Variants in DOP1B observed in about 807,000 individuals in gnomAD.
DOP1B encodes the protein DOP1 leucine zipper like protein B, also known as protein DOP1B.
DOP1B carries 174 observed loss-of-function variants against 233.5 expected under a neutral mutation model. That is an observed-to-expected ratio of 0.75 (90% CI 0.66 to 0.85). The LOEUF is 0.85. Among genes scored for constraint, DOP1B ranks in the 40% least tolerant of loss-of-function variants. The pLI is 0.00. For synonymous variants in DOP1B, 1,190 were observed against 1,185.6 expected (o/e 1.00, Z -0.08); for missense variants, 2,652 against 2,846.6 (o/e 0.93, Z 1.56).
rs749264993 is a variant in DOP1B at position 36,231,020 on chromosome 21, C to T, written c.2236C>T (p.Arg746Cys). The T allele has an allele frequency of 2.0e-5, 32 of 1,614,000 alleles. No homozygotes were observed. Among genetic ancestry groups the T allele is most frequent in the African/African-American group, 2.7e-5 (2 of 74,904 alleles). ...TGACCTGGGGGGTTCCAGGGAGGAA[C>T]GCAGGGAGGCCTTTGCCGCCGCCTG... ...VIDLGGSREE[R>C]REAFAAACHL... The change falls in exon 14 of 37, where the codon CGC (arginine) becomes TGC (cysteine). Residue 746 changes from arginine to cysteine, a missense_variant. Arg to Cys is a radical substitution (Grantham distance 180). Around this residue, in one of 3 missense-constraint regions of DOP1B, gnomAD observed 2,617 missense variants for 2,794.3 expected, o/e 0.94. Coordinates refer to ENST00000691173, the MANE Select transcript of DOP1B (RefSeq NM_001320714.2).
Position 36,199,261 on chromosome 21 carries a change from C to A in DOP1B, c.320+10C>A. The stretch of plus-strand genomic sequence containing the variant: ...ACTTGTTTCTGTACAGGTGCGATTG[C>A]TTCTCTGCTGTGTTCCTTTTTATTA... On this transcript the variant is annotated intron_variant, in intron 3 of 36. Transcript: ENST00000691173. The A allele has an allele frequency of 6.2e-7, 1 of 1,608,970 alleles. No individual in the cohort carries two copies. Among genetic ancestry groups the A allele is most frequent in the South Asian group, 1.1e-5 (1 of 90,102 alleles).
Position 36,253,804 on chromosome 21 carries a change from C to A in DOP1B, c.5154C>A (p.Thr1718=). ...IIPTASASQL[T]LVDLVCALST... ...CAACGGCAAGTGCATCCCAGCTAAC[C>A]CTTGTCGACTTGGTGTGTGCACTCA... The change falls in exon 23 of 37, where the codon ACC becomes ACA. Residue 1718 remains threonine (T), a synonymous_variant. Coordinates refer to ENST00000691173, the MANE Select transcript of DOP1B (RefSeq NM_001320714.2). 6.2e-7 allele frequency: 1 copy of A among 1,613,766 alleles called. No homozygotes were observed. Among genetic ancestry groups the A allele is most frequent in the South Asian group, 1.1e-5 (1 of 91,068 alleles).
intron 23 of DOP1B, among the ~76,000 whole-genome samples, chr21:36,257,709 T>C (rs1474704790): frequency 1.4e-5 from 2 of 137,984 alleles, no homozygotes; most frequent in Non-Finnish European, 3.2e-5. Flanking sequence ...GAGAGATGGA[T>C]GTAGGTAGGT....
rs1046397969 is a variant in DOP1B at position 36,211,801 on chromosome 21, A to G, written c.780+150A>G. On this transcript the variant is annotated intron_variant, in intron 6 of 36. Transcript: ENST00000691173. Reference sequence around the variant, plus strand: ...TGAAAAGTCCTTGTTCATTTTTGCAAGGATAGCGTTTTCATTGCACGTATT... The same window carrying G: ...TGAAAAGTCCTTGTTCATTTTTGCAGGGATAGCGTTTTCATTGCACGTATT... The G allele has an allele frequency of 5.9e-5, 77 of 1,310,876 alleles. 2 individuals carry two copies. In the South Asian group the frequency reaches 8.4e-4, roughly 14 times the overall value. 81.2% of individuals were successfully genotyped at this position (1,310,876 alleles called of 1,614,324 possible).
chr21:36,169,248 T>C, intron 2 of DOP1B: 2 of 902,496 alleles, frequency 2.2e-6, no homozygotes, highest in Non-Finnish European at 3.7e-6. Flanking sequence ...TCGATGCTCT[T>C]GTCAGACAGG....
chr21:36,220,845 C>T (rs1412588583), intron 10 of DOP1B, among the ~76,000 whole-genome samples: 1 of 151,822 alleles, frequency 6.6e-6, no homozygotes, highest in African/African-American at 2.4e-5. Flanking sequence ...AGGTCTCACT[C>T]TGTCTCCCAG....
At chr21:36,188,029 T>TA (rs1174532671) in intron 2 of DOP1B, among the ~76,000 whole-genome samples, 2 of 152,212 alleles carry the variant, frequency 1.3e-5, no homozygotes, top group Non-Finnish European at 2.9e-5. Context: ...AAGCATATTC[T>TA]AATGTGTCTT....
At chr21:36,169,227 C>A in intron 2 of DOP1B, 1 of 998,054 alleles carries the variant, frequency 1.0e-6, no homozygotes. Flanking sequence ...TGGACAAAGC[C>A]ACCCAGAAGG....
intron 35 of DOP1B, among the ~76,000 whole-genome samples, chr21:36,291,179 T>G (rs1205964827): frequency 1.3e-5 from 2 of 151,020 alleles, no homozygotes; most frequent in African/African-American, 4.9e-5. Context: ...GGAGAATCGC[T>G]TGAAACCGAA....
chr21:36,200,378 C>T lies in DOP1B; in HGVS notation c.368C>T (p.Pro123Leu), dbSNP rs747145267. The change falls in exon 4 of 37, where the codon CCG (proline) becomes CTG (leucine). Residue 123 changes from proline (P) to leucine (L), a missense_variant. Pro to Leu is a moderately conservative substitution (Grantham distance 98). This residue lies in a region of DOP1B where 2,617 missense variants were observed against 2,794.3 expected (regional missense o/e 0.94). Transcript: ENST00000691173. ...GCACACGCGGCGGTGTCGGTGAGGC[C>T]GGTGCTGCTCACCCTGTACGAGAAG... ...LLAHAAVSVR[P>L]VLLTLYEKYF... 6.2e-6 allele frequency: 10 copies of T among 1,612,774 alleles called. No individual in the cohort carries two copies. Among genetic ancestry groups the T allele is most frequent in the East Asian group, 2.2e-5 (1 of 44,814 alleles).
chr21:36,213,879 T>C (rs764310753), intron 7 of DOP1B, among the ~76,000 whole-genome samples: 4 of 152,006 alleles, frequency 2.6e-5, no homozygotes, highest in Admixed American at 6.6e-5. Context: ...TTGATACCCA[T>C]TGAGGTGGAA....
chr21:36,186,160 G>A (rs1051354262), intron 2 of DOP1B, among the ~76,000 whole-genome samples: 7 of 151,802 alleles, frequency 4.6e-5, no homozygotes, highest in South Asian at 2.1e-4. Flanking sequence ...CTAAGATTGC[G>A]CCACTGCACT....
At chr21:36,211,352 GGTC>G (rs1220776385) in intron 5 of DOP1B, among the ~76,000 whole-genome samples, 198 bp from the exon 6 acceptor site, 1 of 152,320 alleles carries the variant, frequency 6.6e-6, no homozygotes, top group East Asian at 1.9e-4. Context: ...GGAACAGTGA[GGTC>G]TGCAGCTGAA....
intron 35 of DOP1B, among the ~76,000 whole-genome samples, chr21:36,290,939 C>G (rs972387697): frequency 2.6e-5 from 4 of 151,636 alleles, no homozygotes; most frequent in African/African-American, 9.7e-5. Context: ...CACTGCACTC[C>G]AGCCTAGGCA....
At chr21:36,250,418 A>G (rs1045862428) in intron 21 of DOP1B, among the ~76,000 whole-genome samples, 1 of 152,176 alleles carries the variant, frequency 6.6e-6, no homozygotes, top group Non-Finnish European at 1.5e-5. Flanking sequence ...CGATGTGAGC[A>G]GGGCTTCAAA....
rs2065893701 is a variant in DOP1B, at chr21:36,164,760, A to G, written c.27A>G (p.Leu9=). MDPEEQEL[L]NDYRYRSYSS... is the part of the protein sequence containing the mutation. ...TGGATCCAGAAGAGCAGGAGCTCTT[A>G]AATGATTACAGATACAGAAGCTACT... is the stretch of plus-strand genomic sequence containing the variant. Residue 9 remains leucine, a synonymous_variant, in exon 2 of 37, where the codon TTA becomes TTG. Transcript: ENST00000691173. 1 of 1,607,324 alleles carries G rather than the reference A, an allele frequency of 6.2e-7. No homozygotes were observed. The highest frequency in any genetic ancestry group is 1.3e-5 in the African/African-American group (1 of 74,576).
chr21:36,276,858 AAG>A (rs1491552305), intron 27 of DOP1B, among the ~76,000 whole-genome samples, 161 bp from the exon 28 acceptor site: 3 of 150,854 alleles, frequency 2.0e-5, no homozygotes, highest in African/African-American at 7.3e-5. Flanking sequence ...AAAAAAAAAA[AAG>A]AAAAAGCTGA....
At chr21:36,268,996 T>C (rs761543273) in intron 26 of DOP1B, among the ~76,000 whole-genome samples, 4 of 151,950 alleles carry the variant, frequency 2.6e-5, no homozygotes, top group Non-Finnish European at 5.9e-5. Flanking sequence ...ACCACTACAC[T>C]CCAGCCTGGT....
At position 36,267,625 on chromosome 21, in the gene DOP1B, C is replaced by CTT. The variant is rs3029062; in HGVS notation, c.5488-2371_5488-2370dup. On this transcript the variant is annotated intron_variant, in intron 26 of 36. Coordinates refer to ENST00000691173, the MANE Select transcript of DOP1B (RefSeq NM_001320714.2). ...CCAGGAGGTCGAGGCTGCAGTGAGA[C>CTT]TTTTTTTTTTTTTTTTTTGAGATGG... Among the ~76,000 whole-genome samples the CTT allele has an allele frequency of 6.8e-3, 793 of 116,908 alleles. 22 individuals carry two copies. The highest frequency in any genetic ancestry group is 0.023 in the African/African-American group (658 of 28,886). The allele number at this position is 116,908 out of a possible 152,430, so 76.7% of individuals were successfully genotyped here.
Sources: gnomAD v4.1 joint callset for allele counts (sites outside exome capture counted in the v4.1 genomes callset) on GRCh38, gnomAD v4.1.1 for gene constraint, gnomAD v4.1.1 regional missense constraint, MANE v1.5 for transcripts, NCBI Gene and HGNC (gene_info 2026-07-23, HGNC 2026-07-21) for gene names.